The following DPP6 variants were observed in gnomAD, a reference collection of about 807,000 sequenced individuals.
DPP6 encodes the protein dipeptidyl peptidase like 6.
A neutral mutation model predicts 122.6 loss-of-function variants in DPP6; 69 were observed. The observed-to-expected ratio is 0.56, with a 90% CI of 0.46 to 0.69. The LOEUF (loss-of-function observed/expected upper bound fraction) is 0.69, where lower values mean the gene tolerates loss of function less well. Ranked by LOEUF, DPP6 falls within the 30% of genes least tolerant of loss-of-function variation. The pLI, the probability that DPP6 is intolerant of heterozygous loss-of-function variation, is 0.00. For synonymous variants in DPP6, 418 were observed against 433.1 expected (o/e 0.97, Z 0.43); for missense variants, 928 against 1,116.9 (o/e 0.83, Z 2.41).
At chr7:154,400,831 T>C (rs1266336710) in intron 1 of DPP6, among the ~76,000 whole-genome samples, 1 of 152,238 alleles carries the variant, frequency 6.6e-6, no homozygotes, top group African/African-American at 2.4e-5. Context: ...TGAAGACCTT[T>C]CTTGTCTTCA....
At chr7:154,782,337 A>C (rs1409278793) in intron 10 of DPP6, among the ~76,000 whole-genome samples, 1 of 152,028 alleles carries the variant, frequency 6.6e-6, no homozygotes, top group Non-Finnish European at 1.5e-5. Flanking sequence ...ATGACCATCT[A>C]TTTTCTGTGA....
chr7:153,947,102 A>G (rs371315509), intron 1 of DPP6, among the ~76,000 whole-genome samples: 2 of 152,084 alleles, frequency 1.3e-5, no homozygotes, highest in South Asian at 4.2e-4. Flanking sequence ...AATCTCTTGC[A>G]CTCCCTCTTA....
At chr7:154,611,077 T>C (rs1833884596) in intron 5 of DPP6, among the ~76,000 whole-genome samples, 1 of 152,198 alleles carries the variant, frequency 6.6e-6, no homozygotes, top group African/African-American at 2.4e-5. Flanking sequence ...TATTACATTA[T>C]AGATGGTTTC....
intron 6 of DPP6, among the ~76,000 whole-genome samples, chr7:154,664,667 T>C (rs1380508309): frequency 5.3e-5 from 8 of 152,106 alleles, no homozygotes; most frequent in Non-Finnish European, 1.0e-4. Context: ...TTTTTTTTTT[T>C]TTTCAGTTTT....
intron 2 of DPP6, among the ~76,000 whole-genome samples, chr7:154,467,484 C>T (rs963837332): frequency 4.6e-5 from 7 of 152,198 alleles, no homozygotes; most frequent in Non-Finnish European, 1.0e-4. Flanking sequence ...TCTTTCTCTC[C>T]TGTCACCATG....
intron 1 of DPP6, among the ~76,000 whole-genome samples, chr7:154,366,241 A>T (rs1812178884): frequency 6.6e-6 from 1 of 152,248 alleles, no homozygotes; most frequent in Non-Finnish European, 1.5e-5. Context: ...ATGAAGACAA[A>T]GTGCGAGCAA....
Position 153,984,847 on chromosome 7 carries a change from C to T in DPP6, c.51+97113C>T, listed in dbSNP as rs149268476. On this transcript the variant is annotated intron_variant, in intron 1 of 25. Coordinates refer to the DPP6 transcript ENST00000404039. ...TTAAAAGCAAAGCTGTGATCTGTGGCGAGGAAGTTTGAGTGGTGCATCTTC... is the reference window on the plus strand; with the variant it reads ...TTAAAAGCAAAGCTGTGATCTGTGGTGAGGAAGTTTGAGTGGTGCATCTTC... Among the ~76,000 whole-genome samples, 756 of 152,286 alleles carry T rather than the reference C, an allele frequency of 5.0e-3. 4 individuals carry two copies. Among genetic ancestry groups the T allele is most frequent in the African/African-American group, 0.016 (649 of 41,546 alleles).
intron 5 of DPP6, among the ~76,000 whole-genome samples, chr7:154,567,307 A>C (rs753306097): frequency 6.6e-6 from 1 of 152,190 alleles, no homozygotes; most frequent in African/African-American, 2.4e-5. Flanking sequence ...TATGTTAATT[A>C]TCTCCTGGTC....
At chr7:154,344,904 T>C (rs1810264801) in intron 1 of DPP6, among the ~76,000 whole-genome samples, 1 of 152,008 alleles carries the variant, frequency 6.6e-6, no homozygotes, top group Admixed American at 6.6e-5. Context: ...AAATAAAAGA[T>C]GAATAATAAC....
chr7:153,832,791 A>T, the DPP6 span, among the ~76,000 whole-genome samples: 3 of 150,600 alleles, frequency 2.0e-5, no homozygotes, highest in East Asian at 5.8e-4. Flanking sequence ...CAAAGATAAT[A>T]TGTACTTTCA....
At chr7:154,267,715 GCA>G (rs1803524992) in intron 1 of DPP6, among the ~76,000 whole-genome samples, 1 of 128,174 alleles carries the variant, frequency 7.8e-6, no homozygotes, top group African/African-American at 3.0e-5. Flanking sequence ...ACACGTATAT[GCA>G]CACATACATA....
At chr7:153,872,220 G>A in the DPP6 span, among the ~76,000 whole-genome samples, 1 of 152,178 alleles carries the variant, frequency 6.6e-6, no homozygotes, top group African/African-American at 2.4e-5. Context: ...TCATAGGCCT[G>A]AAGCTAGACC....
intron 16 of DPP6, among the ~76,000 whole-genome samples, chr7:154,836,728 A>G (rs1440813029): frequency 6.6e-6 from 1 of 152,148 alleles, no homozygotes; most frequent in African/African-American, 2.4e-5. Context: ...TCTTTTCGAG[A>G]TGAGTTTCGC....
intron 20 of DPP6, among the ~76,000 whole-genome samples, chr7:154,880,638 G>C (rs373798490): frequency 1.3e-5 from 2 of 152,228 alleles, no homozygotes; most frequent in African/African-American, 2.4e-5. Flanking sequence ...GCTCGCAGTC[G>C]AGAAGCTTCT....
chr7:154,224,913 C>T lies in DPP6; in HGVS notation c.243+171850C>T, dbSNP rs146670878. Among the ~76,000 whole-genome samples, 192 of 152,078 alleles carry T rather than the reference C, an allele frequency of 1.3e-3. 1 individual carries two copies. The highest frequency in any genetic ancestry group is 4.1e-3 in the African/African-American group (169 of 41,418). ...ATCCCAGCACTTTGGGAGGCAGAGG[C>T]GGGCAGATTACTTGAGGCCAGGAGT... On this transcript the variant is annotated intron_variant, in intron 1 of 25. Coordinates refer to ENST00000377770, the MANE Select transcript of DPP6 (RefSeq NM_130797.4).
intron 1 of DPP6, among the ~76,000 whole-genome samples, chr7:153,966,171 G>A (rs1563057282): frequency 7.6e-6 from 1 of 131,572 alleles, no homozygotes; most frequent in Non-Finnish European, 1.6e-5. Context: ...CTTCTCAGTT[G>A]TTGGAGAATC....
At chr7:154,024,105 T>C (rs1798854632) in intron 1 of DPP6, among the ~76,000 whole-genome samples, 1 of 152,136 alleles carries the variant, frequency 6.6e-6, no homozygotes, top group African/African-American at 2.4e-5. Context: ...TTCTCAGCTG[T>C]AAAATATCTC....
chr7:153,891,865 C>T (rs1799219495), intron 1 of DPP6, among the ~76,000 whole-genome samples: 1 of 152,166 alleles, frequency 6.6e-6, no homozygotes, highest in South Asian at 2.1e-4. Context: ...GTGACTACAG[C>T]AGTATCAGAG....
At chr7:154,277,450 A>G (rs1314561414) in intron 1 of DPP6, among the ~76,000 whole-genome samples, 2 of 152,198 alleles carry the variant, frequency 1.3e-5, no homozygotes, top group East Asian at 1.9e-4. Context: ...CTGCCTGTTT[A>G]TTTAATTAAA....
Sources: allele counts gnomAD v4.1 joint callset (sites outside exome capture counted in the v4.1 genomes callset), GRCh38; gene constraint gnomAD v4.1.1; transcripts MANE v1.5; gene names NCBI Gene and HGNC (gene_info 2026-07-23, HGNC 2026-07-21).